Variants in KCNQ5 observed in about 807,000 individuals in gnomAD.
KCNQ5 encodes potassium voltage-gated channel subfamily KQT member 5.
A neutral mutation model predicts 98.2 loss-of-function variants in KCNQ5; 30 were observed. The observed-to-expected ratio is 0.31, with a 90% CI of 0.23 to 0.41. KCNQ5 has a LOEUF of 0.41. Ranked by LOEUF, KCNQ5 falls within the 10% of genes least tolerant of loss-of-function variation. KCNQ5 has a pLI of 1.00. For synonymous variants in KCNQ5, 458 were observed against 449.4 expected (o/e 1.02, Z -0.24); for missense variants, 835 against 1,182.5 (o/e 0.71, Z 4.31).
intron 5 of KCNQ5, among the ~76,000 whole-genome samples, chr6:73,088,497 T>C (rs1245489937): frequency 1.3e-5 from 2 of 152,176 alleles, no homozygotes; most frequent in Non-Finnish European, 2.9e-5. Context: ...TTCCCTTCCA[T>C]TCCTTAAATG....
At position 72,988,064 on chromosome 6, in the gene KCNQ5, CAGG is replaced by C. The variant is rs1582145817; in HGVS notation, c.399-15841_399-15839del. Among the ~76,000 whole-genome samples the C allele has an allele frequency of 2.0e-5, 3 of 152,224 alleles. No homozygotes were observed. The East Asian group carries it at 5.8e-4, about 29-fold the overall frequency. ...GAGAGGCAGCTCATGTTTGGGGAGC[CAGG>C]AGAACAAGTGAGTGGCTAAAACCTC... On this transcript the variant is annotated intron_variant, in intron 1 of 13. Coordinates refer to ENST00000370398, the MANE Select transcript of KCNQ5 (RefSeq NM_019842.4).
intron 1 of KCNQ5, among the ~76,000 whole-genome samples, chr6:72,975,525 A>G (rs1768122481): frequency 1.3e-5 from 2 of 152,144 alleles, no homozygotes; most frequent in South Asian, 2.1e-4. Flanking sequence ...TTGTAGGTCA[A>G]TCCCTAGAGA....
intron 1 of KCNQ5, among the ~76,000 whole-genome samples, chr6:72,694,139 T>C (rs1768359585): frequency 6.6e-6 from 1 of 152,208 alleles, no homozygotes; most frequent in Admixed American, 6.5e-5. Context: ...ATACATTTTT[T>C]GATCATGTAA....
chr6:73,009,446 A>C (rs151069058), intron 2 of KCNQ5, among the ~76,000 whole-genome samples: 123 of 152,310 alleles, frequency 8.1e-4, no homozygotes, highest in African/African-American at 2.9e-3. Context: ...AAAAAGAAAT[A>C]TCTCAAATCA....
chr6:73,010,492 A>G (rs933165014), intron 2 of KCNQ5, among the ~76,000 whole-genome samples: 3 of 152,000 alleles, frequency 2.0e-5, no homozygotes, highest in Admixed American at 6.6e-5. Context: ...CTATTCAACA[A>G]AGTACTAGAC....
intron 1 of KCNQ5, among the ~76,000 whole-genome samples, chr6:72,627,465 A>G (rs1000652840): frequency 2.0e-5 from 3 of 152,206 alleles, no homozygotes; most frequent in African/African-American, 4.8e-5. Flanking sequence ...TACGGAAAAA[A>G]GGTTATGGCC....
intron 10 of KCNQ5, among the ~76,000 whole-genome samples, chr6:73,161,860 G>C (rs915301212): frequency 9.2e-5 from 14 of 152,126 alleles, no homozygotes; most frequent in African/African-American, 3.4e-4. Flanking sequence ...ATAGAAAGTA[G>C]CAATTAGCAG....
chr6:73,060,065 T>G (rs1248748151), intron 3 of KCNQ5, among the ~76,000 whole-genome samples: 1 of 151,924 alleles, frequency 6.6e-6, no homozygotes, highest in Non-Finnish European at 1.5e-5. Flanking sequence ...CAAGACCCAG[T>G]GGTGCTTTAT....
rs553361218 is a variant in KCNQ5 at position 72,940,561 on chromosome 6, C to T, written c.399-63347C>T. On this transcript the variant is annotated intron_variant, in intron 1 of 13. Coordinates refer to ENST00000370398, the MANE Select transcript of KCNQ5 (RefSeq NM_019842.4). ...AGGATTCTGGGATGCTACCAGCTGTCAGTCAACACTACCAGATGCGGACAG... is the reference window on the plus strand; with the variant it reads ...AGGATTCTGGGATGCTACCAGCTGTTAGTCAACACTACCAGATGCGGACAG... 6.3e-4 allele frequency among the ~76,000 whole-genome samples: 96 copies of T among 152,310 alleles called. 2 individuals carry two copies. Among genetic ancestry groups the T allele is most frequent in the African/African-American group, 2.3e-3 (94 of 41,576 alleles).
chr6:72,868,978 G>T lies in KCNQ5; in HGVS notation c.399-134930G>T, dbSNP rs9446776. ...AAACTTAAAGATAACTATTATAAAA[G>T]AGTGGGACTGTAATGTTCCTAACAC... On this transcript the variant is annotated intron_variant, in intron 1 of 13. Coordinates refer to ENST00000370398, the MANE Select transcript of KCNQ5 (RefSeq NM_019842.4). Among the ~76,000 whole-genome samples the T allele has an allele frequency of 4.9e-3, 741 of 152,244 alleles. 7 individuals are homozygous for T. Among genetic ancestry groups the T allele is most frequent in the African/African-American group, 0.017 (709 of 41,536 alleles).
intron 1 of KCNQ5, among the ~76,000 whole-genome samples, chr6:72,653,231 A>C (rs2154472488): frequency 6.6e-6 from 1 of 152,006 alleles, no homozygotes; most frequent in Middle Eastern, 3.4e-3. Context: ...TGTCAGAATC[A>C]GTGGAGCATG....
chr6:72,996,812 C>T (rs1769322741), intron 1 of KCNQ5, among the ~76,000 whole-genome samples: 2 of 152,174 alleles, frequency 1.3e-5, no homozygotes, highest in Non-Finnish European at 2.9e-5. Flanking sequence ...ACTGGGCAAA[C>T]GTAAAGAACA....
At chr6:72,869,330 T>C (rs184745173) in intron 1 of KCNQ5, among the ~76,000 whole-genome samples, 3 of 152,276 alleles carry the variant, frequency 2.0e-5, no homozygotes, top group Admixed American at 2.0e-4. Flanking sequence ...TTGGGGCCGA[T>C]GGACACTACA....
intron 1 of KCNQ5, among the ~76,000 whole-genome samples, chr6:72,659,666 C>T (rs1339120818): frequency 1.3e-5 from 2 of 152,156 alleles, no homozygotes; most frequent in Non-Finnish European, 2.9e-5. Flanking sequence ...GTGCTCCTTT[C>T]AACCTCTTTC....
intron 2 of KCNQ5, among the ~76,000 whole-genome samples, chr6:73,030,504 C>A (rs116925410): frequency 0.014 from 2,068 of 152,254 alleles, 21 homozygotes; most frequent in Non-Finnish European, 0.024. Flanking sequence ...ACATTTACAC[C>A]AATAACACAT....
chr6:72,847,782 A>G (rs776917404), intron 1 of KCNQ5, among the ~76,000 whole-genome samples: 1 of 152,218 alleles, frequency 6.6e-6, no homozygotes, highest in Non-Finnish European at 1.5e-5. Context: ...AGGAAAAAGC[A>G]GACTAAGACA....
intron 1 of KCNQ5, among the ~76,000 whole-genome samples, chr6:72,879,438 T>C (rs1562042632): frequency 6.6e-6 from 1 of 152,208 alleles, no homozygotes; most frequent in Non-Finnish European, 1.5e-5. Flanking sequence ...GAATTTCTTG[T>C]CCATATCCTT....
At chr6:72,932,346 A>C (rs1271826121) in intron 1 of KCNQ5, among the ~76,000 whole-genome samples, 1 of 152,046 alleles carries the variant, frequency 6.6e-6, no homozygotes, top group Non-Finnish European at 1.5e-5. Flanking sequence ...TCATCTTCCT[A>C]ATAGGAAGAC....
At chr6:72,777,209 T>A (rs1216455435) in intron 1 of KCNQ5, among the ~76,000 whole-genome samples, 1 of 152,164 alleles carries the variant, frequency 6.6e-6, no homozygotes, top group African/African-American at 2.4e-5. Flanking sequence ...TGAATTTTAG[T>A]TTGGCCACTC....
Sources: allele counts gnomAD v4.1 joint callset (sites outside exome capture counted in the v4.1 genomes callset), GRCh38; gene constraint gnomAD v4.1.1; transcripts MANE v1.5; gene names NCBI Gene and HGNC (gene_info 2026-07-23, HGNC 2026-07-21).